Variants in PTN observed in about 807,000 individuals in gnomAD.
The protein encoded by PTN is heparin affin regulatory protein.
PTN carries 18 observed loss-of-function variants against 24.1 expected under a neutral mutation model. The observed-to-expected ratio is 0.75, with a 90% CI of 0.52 to 1.11. PTN has a LOEUF of 1.11. PTN is among the 50% of genes least tolerant of loss of function. The probability of loss-of-function intolerance (pLI) is 0.00; values close to 1 mark genes in which losing one functional copy is unlikely to be tolerated. For missense variants in PTN, 163 were observed against 198.8 expected (o/e 0.82, Z 1.08); for synonymous variants, 78 against 68.6 (o/e 1.14, Z -0.67).
chr7:137,298,902 C>T (rs552488078), intron 1 of PTN, among the ~76,000 whole-genome samples: 7 of 152,034 alleles, frequency 4.6e-5, no homozygotes, highest in South Asian at 2.1e-4. Context: ...AGCACCAAGC[C>T]GGGGCTAGAC....
intron 1 of PTN, among the ~76,000 whole-genome samples, chr7:137,304,454 CAA>C (rs963450859): frequency 6.6e-6 from 1 of 150,994 alleles, no homozygotes; most frequent in Non-Finnish European, 1.5e-5. Flanking sequence ...CCCTCCCCAT[CAA>C]AAAAAGAGAG....
chr7:137,334,864 T>C (rs1292295532), intron 1 of PTN, among the ~76,000 whole-genome samples: 2 of 151,716 alleles, frequency 1.3e-5, no homozygotes, highest in Non-Finnish European at 2.9e-5. Context: ...TATGCAGCCA[T>C]AAAAAATGAT....
intron 1 of PTN, among the ~76,000 whole-genome samples, chr7:137,297,908 C>A (rs1393837207): frequency 1.4e-5 from 2 of 140,092 alleles, no homozygotes; most frequent in African/African-American, 5.2e-5. Flanking sequence ...CCAAAGTGGG[C>A]AGGAATGGGG....
At chr7:137,243,092 A>G (rs1480807410) in intron 4 of PTN, among the ~76,000 whole-genome samples, 2 of 152,058 alleles carry the variant, frequency 1.3e-5, no homozygotes, top group African/African-American at 4.8e-5. Context: ...ATGCACCACC[A>G]CGCCCATCTA....
At chr7:137,338,878 T>C (rs1810489984) in intron 1 of PTN, among the ~76,000 whole-genome samples, 1 of 152,160 alleles carries the variant, frequency 6.6e-6, no homozygotes, top group Admixed American at 6.6e-5. Flanking sequence ...GAGAGAATCT[T>C]CCTTCAATTC....
chr7:137,290,323 G>A (rs1437617642), intron 1 of PTN, among the ~76,000 whole-genome samples: 1 of 152,098 alleles, frequency 6.6e-6, no homozygotes, highest in Admixed American at 6.5e-5. Flanking sequence ...AAAACAAATG[G>A]TGTTCTAAAT....
At chr7:137,339,586 T>TGG (rs1462312702) in intron 1 of PTN, among the ~76,000 whole-genome samples, 1 of 78,382 alleles carries the variant, frequency 1.3e-5, no homozygotes. Flanking sequence ...AAAAAAAAAA[T>TGG]GGGGGAAAAA....
rs186057455 is a variant in PTN at position 137,287,164 on chromosome 7, G to A, written c.-1-32190C>T. Reference sequence around the variant, plus strand: ...ACAAAGCAGCACATTGAATAAACGAGGCTTGTTCCCCCAGATGATGTGATA... The same window carrying A: ...ACAAAGCAGCACATTGAATAAACGAAGCTTGTTCCCCCAGATGATGTGATA... On this transcript the variant is annotated intron_variant, in intron 1 of 4. Transcript: ENST00000348225. Among the ~76,000 whole-genome samples the A allele has an allele frequency of 5.8e-3, 887 of 152,266 alleles. 11 individuals are homozygous for A. The highest frequency in any genetic ancestry group is 0.042 in the South Asian group (203 of 4,824).
At chr7:137,240,388 A>G (rs1042701511) in intron 4 of PTN, among the ~76,000 whole-genome samples, 3 of 152,134 alleles carry the variant, frequency 2.0e-5, no homozygotes, top group African/African-American at 7.2e-5. Flanking sequence ...GTCTCATAGC[A>G]TTTGCCACTC....
intron 4 of PTN, among the ~76,000 whole-genome samples, chr7:137,247,430 T>C (rs1808743082): frequency 6.6e-6 from 1 of 152,100 alleles, no homozygotes; most frequent in South Asian, 2.1e-4. Flanking sequence ...AAGAGAAACA[T>C]TGCGTGTACT....
chr7:137,329,777 G>C (rs1447890309), intron 1 of PTN, among the ~76,000 whole-genome samples: 1 of 152,044 alleles, frequency 6.6e-6, no homozygotes, highest in Non-Finnish European at 1.5e-5. Context: ...GCATATAGTG[G>C]GTACTCCATC....
intron 4 of PTN, among the ~76,000 whole-genome samples, chr7:137,235,735 C>T (rs1808508504): frequency 6.6e-6 from 1 of 152,082 alleles, no homozygotes; most frequent in South Asian, 2.1e-4. Context: ...TTGCTTCATC[C>T]ACACCTCTTC....
chr7:137,273,383 C>A (rs1330426214), intron 1 of PTN, among the ~76,000 whole-genome samples: 1 of 152,106 alleles, frequency 6.6e-6, no homozygotes, highest in Non-Finnish European at 1.5e-5. Context: ...TAAAGACCTG[C>A]CTGAGACTGG....
intron 1 of PTN, among the ~76,000 whole-genome samples, chr7:137,339,754 G>C (rs1380308693): frequency 6.6e-6 from 1 of 152,166 alleles, no homozygotes; most frequent in East Asian, 1.9e-4. Context: ...AAGACGTTCT[G>C]GGACCTGTTG....
intron 1 of PTN, 151 bp from the exon 2 acceptor site, chr7:137,255,125 T>C: frequency 2.0e-6 from 1 of 508,784 alleles, no homozygotes; most frequent in East Asian, 3.0e-5. Flanking sequence ...TAGAATTTTA[T>C]CTATTCTTAC....
At chr7:137,301,416 A>G (rs1312280282) in intron 1 of PTN, among the ~76,000 whole-genome samples, 2 of 151,954 alleles carry the variant, frequency 1.3e-5, no homozygotes, top group East Asian at 1.9e-4. Flanking sequence ...ATGGACAACT[A>G]TGACAGGTGA....
At chr7:137,306,018 T>C (rs1272282966) in intron 1 of PTN, among the ~76,000 whole-genome samples, 1 of 152,088 alleles carries the variant, frequency 6.6e-6, no homozygotes, top group Non-Finnish European at 1.5e-5. Flanking sequence ...CAGATTCTCA[T>C]GAAAAGAACC....
intron 1 of PTN, among the ~76,000 whole-genome samples, chr7:137,289,481 G>C (rs1034262733): frequency 6.6e-6 from 1 of 152,146 alleles, no homozygotes; most frequent in Non-Finnish European, 1.5e-5. Context: ...TGACATTAAG[G>C]TTCCAAATCA....
chr7:137,301,417 T>C (rs1306625624), intron 1 of PTN, among the ~76,000 whole-genome samples: 2 of 151,942 alleles, frequency 1.3e-5, no homozygotes, highest in African/African-American at 2.4e-5. Flanking sequence ...TGGACAACTA[T>C]GACAGGTGAA....
Sources: gnomAD v4.1 joint callset for allele counts (sites outside exome capture counted in the v4.1 genomes callset) on GRCh38, gnomAD v4.1.1 for gene constraint, MANE v1.5 for transcripts, NCBI Gene and HGNC (gene_info 2026-07-23, HGNC 2026-07-21) for gene names.